Variants in RIC1 observed in about 807,000 individuals in gnomAD.
RIC1 encodes the protein RIC1 partner of RAB6A GEF complex.
In RIC1, 88 loss-of-function variants were observed where a neutral mutation model predicts 169.0. The ratio of observed to expected loss-of-function variants is 0.52; its 90% CI spans 0.44 to 0.62. The LOEUF is 0.62. Ranked by LOEUF, RIC1 falls within the 20% of genes least tolerant of loss-of-function variation. RIC1 has a pLI of 0.00. For missense variants in RIC1, 1,877 were observed against 1,725.5 expected (o/e 1.09, Z -1.56); for synonymous variants, 790 against 601.5 (o/e 1.31, Z -4.59).
At chr9:5,768,900 T>G in intron 21 of RIC1, 70 bp from the exon 22 acceptor site, 1 of 1,484,926 alleles carries the variant, frequency 6.7e-7, no homozygotes, top group Non-Finnish European at 9.1e-7. Context: ...TATCAGTACC[T>G]CTGCGTAATA....
intron 10 of RIC1, among the ~76,000 whole-genome samples, chr9:5,744,511 A>G (rs1039216066): frequency 1.1e-4 from 16 of 152,188 alleles, no homozygotes; most frequent in African/African-American, 3.6e-4. Flanking sequence ...GGATTTTGGA[A>G]TATTTGCAAA....
intron 23 of RIC1, 111 bp downstream of exon 23, chr9:5,770,389 C>A: frequency 1.0e-6 from 1 of 963,224 alleles, no homozygotes; most frequent in Non-Finnish European, 1.5e-6. Flanking sequence ...GAGGATTAAC[C>A]ATTTGTATCC....
At chr9:5,772,851 T>G in intron 24 of RIC1, 41 bp from the exon 25 acceptor site, 3 of 1,582,804 alleles carry the variant, frequency 1.9e-6, no homozygotes, top group Non-Finnish European at 2.6e-6. Flanking sequence ...ATCTTATAGA[T>G]CTTTCTTAGC....
chr9:5,765,096 A>G (rs951164189), intron 19 of RIC1: 2 of 196,972 alleles, frequency 1.0e-5, no homozygotes, highest in Non-Finnish European at 2.0e-5. Flanking sequence ...TCAACAATTT[A>G]CTTAACTCAG....
chr9:5,698,311 T>C (rs1822023186), intron 3 of RIC1, among the ~76,000 whole-genome samples: 1 of 152,218 alleles, frequency 6.6e-6, no homozygotes, highest in Non-Finnish European at 1.5e-5. Flanking sequence ...TATTGTGGTT[T>C]GATTTTTGGT....
At chr9:5,685,073 A>C (rs1288192417) in intron 2 of RIC1, among the ~76,000 whole-genome samples, 2 of 151,988 alleles carry the variant, frequency 1.3e-5, no homozygotes, top group African/African-American at 2.4e-5. Flanking sequence ...TTTTGTTTAG[A>C]ATATGTTAAT....
At position 5,772,674 on chromosome 9, in the gene RIC1, T is replaced by G; in HGVS notation, c.3727T>G (p.Ser1243Ala). Residue 1243 changes from serine to alanine, a missense_variant, in exon 24 of 26, where the codon TCA becomes GCA. Coordinates refer to ENST00000414202, the MANE Select transcript of RIC1 (RefSeq NM_020829.4). ...TTTCTCTACACTCAGTTTAACTCAG[T>G]CAGAGCTGGAGCACATTTCCATGGA... ...ENFSTLSLTQ[S>A]ELEHISMELA... The G allele has an allele frequency of 6.2e-7, 1 of 1,613,878 alleles. No homozygotes were observed. The highest frequency in any genetic ancestry group is 8.5e-7 in the Non-Finnish European group (1 of 1,179,918).
At chr9:5,640,644 A>G (rs542356330) in intron 1 of RIC1, among the ~76,000 whole-genome samples, 51 of 152,174 alleles carry the variant, frequency 3.4e-4, no homozygotes, top group Non-Finnish European at 6.5e-4. Context: ...AAGTAGAAGG[A>G]GTTATACTCT....
chr9:5,674,046 G>A (rs1182882530), intron 2 of RIC1, among the ~76,000 whole-genome samples: 1 of 152,116 alleles, frequency 6.6e-6, no homozygotes, highest in Non-Finnish European at 1.5e-5. Flanking sequence ...GGCATTTACA[G>A]TATCATCAGT....
downstream of RIC1, among the ~76,000 whole-genome samples, chr9:5,778,373 A>G (rs996489485): frequency 6.6e-6 from 1 of 152,126 alleles, no homozygotes; most frequent in Non-Finnish European, 1.5e-5. Flanking sequence ...TTCAATCTGG[A>G]TGCCTTTTCT....
intron 2 of RIC1, among the ~76,000 whole-genome samples, chr9:5,674,849 G>T (rs114756646): frequency 1.3e-5 from 2 of 152,080 alleles, no homozygotes; most frequent in African/African-American, 4.8e-5. Flanking sequence ...CTGTGATTCT[G>T]TTTTTTTGTT....
At chr9:5,644,091 G>C (rs1818384436) in intron 1 of RIC1, among the ~76,000 whole-genome samples, 1 of 152,126 alleles carries the variant, frequency 6.6e-6, no homozygotes, top group South Asian at 2.1e-4. Flanking sequence ...TAAGAGCTTT[G>C]AGGTGCATAA....
At chr9:5,674,512 A>G (rs1013482557) in intron 2 of RIC1, among the ~76,000 whole-genome samples, 1 of 152,152 alleles carries the variant, frequency 6.6e-6, no homozygotes, top group Non-Finnish European at 1.5e-5. Context: ...CAGGACCCCA[A>G]TTCACCACTC....
At chr9:5,757,096 A>G (rs1010211749) in intron 16 of RIC1, among the ~76,000 whole-genome samples, 4 of 151,952 alleles carry the variant, frequency 2.6e-5, no homozygotes, top group Admixed American at 1.3e-4. Context: ...CTTCCCTCCT[A>G]TTTGTTACTC....
chr9:5,718,693 C>T (rs1163068965), intron 4 of RIC1, among the ~76,000 whole-genome samples: 7 of 152,258 alleles, frequency 4.6e-5, no homozygotes, highest in South Asian at 2.1e-4. Flanking sequence ...CCAAATGATA[C>T]ACATAGATTT....
At chr9:5,687,362 C>T (rs1821313085) in intron 2 of RIC1, among the ~76,000 whole-genome samples, 1 of 152,114 alleles carries the variant, frequency 6.6e-6, no homozygotes, top group Admixed American at 6.5e-5. Flanking sequence ...TTGCATGCTT[C>T]CCCACCCTCC....
rs761776572 is a variant in RIC1 at position 5,772,865 on chromosome 9, A to G, written c.3795-27A>G. The stretch of plus-strand genomic sequence containing the variant: ...CATCTTATAGATCTTTCTTAGCATA[A>G]ATCATTTTGTTTCTGCTTATATTTA... On this transcript the variant is annotated intron_variant, in intron 24 of 25. Transcript: ENST00000414202. 2.3e-5 allele frequency: 37 copies of G among 1,599,212 alleles called. No individual in the cohort carries two copies. Among genetic ancestry groups the G allele is most frequent in the Non-Finnish European group, 3.1e-5 (36 of 1,171,446 alleles).
chr9:5,701,845 T>C (rs1586976379), intron 3 of RIC1, among the ~76,000 whole-genome samples: 3 of 152,162 alleles, frequency 2.0e-5, no homozygotes, highest in East Asian at 3.8e-4. Flanking sequence ...AGCACATGAC[T>C]GGGATCAAAA....
chr9:5,702,630 C>T (rs1822300692), intron 3 of RIC1, among the ~76,000 whole-genome samples: 2 of 152,166 alleles, frequency 1.3e-5, no homozygotes, highest in Non-Finnish European at 2.9e-5. Context: ...CCTCCGCCTC[C>T]CGGGTTGAAG....
Sources: gnomAD v4.1 joint callset for allele counts (sites outside exome capture counted in the v4.1 genomes callset) on GRCh38, gnomAD v4.1.1 for gene constraint, MANE v1.5 for transcripts, NCBI Gene and HGNC (gene_info 2026-07-23, HGNC 2026-07-21) for gene names.